MMP19: variants seen among roughly 807,000 people sequenced by gnomAD.
The protein encoded by MMP19 is matrix metalloproteinase-19.
A neutral mutation model predicts 46.6 loss-of-function variants in MMP19; 47 were observed. The observed-to-expected ratio is 1.01, with a 90% CI of 0.80 to 1.29. The LOEUF (loss-of-function observed/expected upper bound fraction) is 1.29, where lower values mean the gene tolerates loss of function less well. Ranked by LOEUF, MMP19 falls within the 50% of genes most tolerant of loss-of-function variation. MMP19 has a pLI of 0.00. For synonymous variants in MMP19, 222 were observed against 248.5 expected, an observed-to-expected ratio of 0.89 and a Z score of 1.00; for missense variants, 589 against 643.5, an observed-to-expected ratio of 0.92 and a Z score of 0.92.
rs1336527610 is a variant in MMP19 at position 55,836,629 on chromosome 12, G to A, written c.*407C>T. 1.2e-5 allele frequency: 2 copies of A among 160,306 alleles called. No individual in the cohort carries two copies. The allele number at this position is 160,306 out of a possible 1,614,324, so 9.9% of individuals were successfully genotyped here. On this transcript the variant is annotated 3_prime_UTR_variant, in exon 9 of 9. Transcript: ENST00000322569. ...TAAATGTGATTCTCAAGGATTCCAA[G>A]GCCCTTGCTCAGTTTACTGGCCATG...
chr12:55,838,969 G>T (rs1017066935), intron 5 of MMP19, among the ~76,000 whole-genome samples: 6 of 152,200 alleles, frequency 3.9e-5, no homozygotes, highest in African/African-American at 1.2e-4. Flanking sequence ...GCCGGGTGTG[G>T]TGGCTCACGC....
chr12:55,840,540 A>G (rs1005308001), intron 4 of MMP19, 127 bp downstream of exon 4: 19 of 946,304 alleles, frequency 2.0e-5, no homozygotes, highest in Non-Finnish European at 2.9e-5. Flanking sequence ...TTAGGAGGTA[A>G]TTAGAGAGCG....
In MMP19 at chr12:55,836,826, T is replaced by G; in HGVS notation, c.*210A>C. ...GAGTTAGGGGAGCACTTCTCAGGAGTGAAAATGCACAGGAAAGTGGTGGCT... is the reference window on the plus strand; with the variant it reads ...GAGTTAGGGGAGCACTTCTCAGGAGGGAAAATGCACAGGAAAGTGGTGGCT... On this transcript the variant is annotated 3_prime_UTR_variant, in exon 9 of 9. Coordinates refer to ENST00000322569, the MANE Select transcript of MMP19 (RefSeq NM_002429.6). 4 of 475,234 alleles carry G rather than the reference T, an allele frequency of 8.4e-6. No homozygotes were observed. Among genetic ancestry groups the G allele is most frequent in the Non-Finnish European group, 1.1e-5 (3 of 270,616 alleles). The allele number at this position is 475,234 out of a possible 1,614,324, so 29.4% of individuals were successfully genotyped here.
rs750704933 is a variant in MMP19 at position 55,837,061 on chromosome 12, G to GCTCT, written c.1501_1502insAGAG (p.Ala501GlufsTer8). 4 of 1,578,296 alleles carry GCTCT rather than the reference G, an allele frequency of 2.5e-6. No individual in the cohort carries two copies. Among genetic ancestry groups the GCTCT allele is most frequent in the Non-Finnish European group, 3.5e-6 (4 of 1,159,286 alleles). ...TCAGTATTCAAACGTGGTTTCTGTG[G>GCTCT]CTGAGAGAGTGGTATCCAAGGTTAT... On this transcript the variant is annotated frameshift_variant, in exon 9 of 9. Coordinates refer to ENST00000322569, the MANE Select transcript of MMP19 (RefSeq NM_002429.6). LOFTEE classifies it high-confidence loss of function.
rs934109193 is a variant in MMP19 at position 55,837,198 on chromosome 12, A to C, written c.1365T>G (p.Leu455=). 8.1e-6 allele frequency: 13 copies of C among 1,614,208 alleles called. No individual in the cohort carries two copies. Among genetic ancestry groups the C allele is most frequent in the Non-Finnish European group, 1.1e-5 (13 of 1,180,036 alleles). ...GKVYWRLNQQ[L]RVEKGYPRNI... ...TTCTGGGATAGCCTTTCTCTACTCG[A>C]AGCTGCTGGTTGAGGCGCCAGTAGA... is the stretch of plus-strand genomic sequence containing the variant. Residue 455 remains leucine (L), a synonymous_variant, in exon 9 of 9, where the codon CTT becomes CTG. Coordinates refer to ENST00000322569, the MANE Select transcript of MMP19 (RefSeq NM_002429.6).
chr12:55,842,894 T>A lies in MMP19; in HGVS notation c.-64A>T. On this transcript the variant is annotated 5_prime_UTR_variant, in exon 1 of 9. Coordinates refer to ENST00000322569, the MANE Select transcript of MMP19 (RefSeq NM_002429.6). Reference sequence around the variant, plus strand: ...TCTGACCTGAGATTTCTGGGAGCCTTGGGGGAGCAGTGCTAGGCAGAGGGG... The same window carrying A: ...TCTGACCTGAGATTTCTGGGAGCCTAGGGGGAGCAGTGCTAGGCAGAGGGG... 1 of 1,367,010 alleles carries A rather than the reference T, an allele frequency of 7.3e-7. No homozygotes were observed. Among genetic ancestry groups the A allele is most frequent in the Non-Finnish European group, 1.0e-6 (1 of 982,884 alleles). The allele number at this position is 1,367,010 out of a possible 1,614,324, so 84.7% of individuals were successfully genotyped here.
chr12:55,839,494 A>G lies in MMP19; in HGVS notation c.766+2T>C. On this transcript the variant is annotated splice_donor_variant, in intron 5 of 8. Coordinates refer to ENST00000322569, the MANE Select transcript of MMP19 (RefSeq NM_002429.6). LOFTEE classifies it high-confidence loss of function. The stretch of plus-strand genomic sequence containing the variant: ...TCCCCCTCACTAGGGGGAGGGACTG[A>G]CCATAGAGAGCCTGGATCCCTGCCA... The G allele has an allele frequency of 1.2e-6, 2 of 1,605,916 alleles. No individual in the cohort carries two copies. Among genetic ancestry groups the G allele is most frequent in the Non-Finnish European group, 1.7e-6 (2 of 1,173,944 alleles).
At chr12:55,840,969 A>G in intron 3 of MMP19, 87 bp from the exon 4 acceptor site, 1 of 1,533,886 alleles carries the variant, frequency 6.5e-7, no homozygotes, top group Non-Finnish European at 8.8e-7. Flanking sequence ...CTCAACCCCC[A>G]AGACAGGTGA....
In MMP19 at chr12:55,835,784, G is replaced by A. The variant is rs1408493088; in HGVS notation, c.*1252C>T. 2 of 151,996 alleles carry A rather than the reference G, an allele frequency of 1.3e-5. No homozygotes were observed. Among genetic ancestry groups the A allele is most frequent in the Admixed American group, 6.6e-5 (1 of 15,256 alleles). The allele number at this position is 151,996 out of a possible 1,614,324, so 9.4% of individuals were successfully genotyped here. ...TGGCCTTTCCCCCTGGGCCCCATAG[G>A]CTTAAACTACCCCCACCCCCACCTC... On this transcript the variant is annotated 3_prime_UTR_variant, in exon 9 of 9. Coordinates refer to ENST00000322569, the MANE Select transcript of MMP19 (RefSeq NM_002429.6).
rs569853460 is a variant in MMP19, at chr12:55,835,710, G to A, written c.*1326C>T. The A allele has an allele frequency of 2.6e-5, 4 of 152,292 alleles. No homozygotes were observed. Among genetic ancestry groups the A allele is most frequent in the East Asian group, 1.9e-4 (1 of 5,186 alleles). 9.4% of individuals were successfully genotyped at this position (152,292 alleles called of 1,614,324 possible). A position where few individuals can be genotyped will look rare whatever the true frequency, so the allele number is the denominator to read the frequency against. Reference sequence around the variant, plus strand: ...GAAGAAGGGCTCTGAGGAGCTCCAAGATACCCCAACCTCCAGGCCCTTCAT... The same window carrying A: ...GAAGAAGGGCTCTGAGGAGCTCCAAAATACCCCAACCTCCAGGCCCTTCAT... On this transcript the variant is annotated 3_prime_UTR_variant, in exon 9 of 9. Coordinates refer to ENST00000322569, the MANE Select transcript of MMP19 (RefSeq NM_002429.6).
At chr12:55,842,689 G>T in intron 1 of MMP19, 55 bp downstream of exon 1, 2 of 1,419,878 alleles carry the variant, frequency 1.4e-6, no homozygotes, top group East Asian at 2.4e-5. Context: ...ATGGGGCTGT[G>T]GAGCAGTAAC....
intron 2 of MMP19, chr12:55,841,483 A>C (rs1881690954): frequency 1.6e-5 from 7 of 438,350 alleles, no homozygotes; most frequent in Non-Finnish European, 2.5e-5. Flanking sequence ...GTTTGCCCTC[A>C]GGTGTAGCCT....
chr12:55,839,570 GC>G lies in MMP19; in HGVS notation c.691del (p.Ala231ProfsTer31), dbSNP rs1881525631. ...GHSRYSQALM[A>X]PVYEGYRPHF... ...GGGCCGGTAGCCCTCGTAGACTGGG[GC>G]CATGAGGGCCTGGGAATATCGGGAG... On this transcript the variant is annotated frameshift_variant, in exon 5 of 9. Coordinates refer to ENST00000322569, the MANE Select transcript of MMP19 (RefSeq NM_002429.6). LOFTEE classifies it high-confidence loss of function. 6.2e-7 allele frequency: 1 copy of G among 1,614,074 alleles called. No individual in the cohort carries two copies. The highest frequency in any genetic ancestry group is 1.1e-5 in the South Asian group (1 of 91,088).
intron 5 of MMP19, 151 bp from the exon 6 acceptor site, chr12:55,838,885 A>G (rs1243580150): frequency 3.2e-6 from 2 of 625,980 alleles, no homozygotes; most frequent in Non-Finnish European, 5.5e-6. Context: ...TTATGTTGAT[A>G]TCAGCGGGAG....
chr12:55,838,882 G>A, intron 5 of MMP19, 148 bp from the exon 6 acceptor site: 1 of 629,228 alleles, frequency 1.6e-6, no homozygotes, highest in Non-Finnish European at 2.7e-6. Flanking sequence ...ATATTATGTT[G>A]ATATCAGCGG....
rs535074024 is a variant in MMP19, at chr12:55,836,964, G to T, written c.*72C>A. On this transcript the variant is annotated 3_prime_UTR_variant, in exon 9 of 9. Coordinates refer to ENST00000322569, the MANE Select transcript of MMP19 (RefSeq NM_002429.6). ...TTCAGCTATTAGGCCTTAGGCTTCT[G>T]GGGGGGAAATGAAAGGGTGGGTGGT... is the stretch of plus-strand genomic sequence containing the variant. The T allele has an allele frequency of 1.2e-5, 16 of 1,347,402 alleles. No homozygotes were observed. The highest frequency in any genetic ancestry group is 1.9e-4 in the Middle Eastern group (1 of 5,282). 83.5% of individuals were successfully genotyped at this position (1,347,402 alleles called of 1,614,324 possible). A position where few individuals can be genotyped will look rare whatever the true frequency, so the allele number is the denominator to read the frequency against.
At chr12:55,842,583 G>C (rs2136238280) in intron 1 of MMP19, 145 bp from the exon 2 acceptor site, 2 of 875,684 alleles carry the variant, frequency 2.3e-6, no homozygotes, top group Non-Finnish European at 3.8e-6. Context: ...GGCTCAGGTG[G>C]AACAAGGGGA....
Position 55,839,714 on chromosome 12 carries a change from G to A in MMP19, c.548C>T (p.Pro183Leu). The change falls in exon 5 of 9, where the codon CCA becomes CTA. Residue 183 changes from proline to leucine, a missense_variant. Pro to Leu is a moderately conservative substitution (Grantham distance 98, BLOSUM62 -3). Coordinates refer to ENST00000322569, the MANE Select transcript of MMP19 (RefSeq NM_002429.6). Reference protein sequence around the residue: ...PGRVLAHADIPELGSVHFDED... With the variant: ...PGRVLAHADILELGSVHFDED... ...GTCGAAGTGCACACTGCCCAGCTCT[G>A]GGATGTCGGCATGGGCCAGGACTCT... 1.2e-6 allele frequency: 2 copies of A among 1,613,398 alleles called. No individual in the cohort carries two copies. Among genetic ancestry groups the A allele is most frequent in the Non-Finnish European group, 1.7e-6 (2 of 1,179,694 alleles).
Position 55,839,594 on chromosome 12 carries a change from G to A in MMP19, c.668C>T (p.Ser223Phe), listed in dbSNP as rs1881529631. The A allele has an allele frequency of 6.2e-7, 1 of 1,614,114 alleles. No homozygotes were observed. Among genetic ancestry groups the A allele is most frequent in the African/African-American group, 1.3e-5 (1 of 74,948 alleles). The part of the protein sequence containing the change: ...EVGHALGLGH[S>F]RYSQALMAPV... Reference sequence around the variant, plus strand: ...GGCCATGAGGGCCTGGGAATATCGGGAGTGCCCAAGCCCCAGAGCATGGCC... The same window carrying A: ...GGCCATGAGGGCCTGGGAATATCGGAAGTGCCCAAGCCCCAGAGCATGGCC... The change falls in exon 5 of 9, where the codon TCC becomes TTC. Residue 223 changes from serine to phenylalanine, a missense_variant. Coordinates refer to ENST00000322569, the MANE Select transcript of MMP19 (RefSeq NM_002429.6).
Sources: allele counts gnomAD v4.1 joint callset (sites outside exome capture counted in the v4.1 genomes callset), GRCh38; gene constraint gnomAD v4.1.1; transcripts MANE v1.5; gene names NCBI Gene and HGNC (gene_info 2026-07-23, HGNC 2026-07-21).